MGAT5B: variants seen among roughly 807,000 people sequenced by gnomAD.
MGAT5B encodes the protein N-acetylglucosaminyl-transferase Vb.
A neutral mutation model predicts 95.1 loss-of-function variants in MGAT5B; 54 were observed. The ratio of observed to expected loss-of-function variants is 0.57; its 90% CI spans 0.46 to 0.71. The LOEUF is 0.71. Ranked by LOEUF, MGAT5B falls within the 30% of genes least tolerant of loss-of-function variation. The pLI is 0.00. For missense variants in MGAT5B, 935 were observed against 1,088.6 expected (o/e 0.86, Z 1.99); for synonymous variants, 464 against 451.0 (o/e 1.03, Z -0.36).
At position 76,912,458 on chromosome 17, in the gene MGAT5B, G is replaced by A. The variant is rs138069609; in HGVS notation, c.1025+6271G>A. ...CTGAGTGTCTCAGCTTGGTTTCTGC[G>A]ACAGAAATGTCTCCCTTGGCTGGCG... is the stretch of plus-strand genomic sequence containing the variant. On this transcript the variant is annotated intron_variant, in intron 8 of 17. Transcript: ENST00000569840. The surrounding 1 kb of genome is among the most constrained non-coding windows in gnomAD (Gnocchi z 5.0). Among the ~76,000 whole-genome samples the A allele has an allele frequency of 1.7e-3, 254 of 152,254 alleles. 1 individual carries two copies. Among genetic ancestry groups the A allele is most frequent in the African/African-American group, 5.9e-3 (246 of 41,550 alleles).
Position 76,938,140 on chromosome 17 carries a change from C to G in MGAT5B, c.1581C>G (p.Ala527=). Residue 527 remains alanine (A), a synonymous_variant, in exon 13 of 18, where the codon GCC becomes GCG. Transcript: ENST00000569840. This position sits in a 1 kb window ranked among gnomAD's most constrained non-coding sequence, Gnocchi z 4.3. ...QPEFQQLLRK[A]KLFIGFGFPY... ...AGTTTCAGCAGCTGCTGCGCAAGGC[C>G]AAAGTGAGCTCCCATCCCCCGCACC... The G allele has an allele frequency of 6.2e-7, 1 of 1,613,920 alleles. No individual in the cohort carries two copies. The highest frequency in any genetic ancestry group is 8.5e-7 in the Non-Finnish European group (1 of 1,179,924).
At chr17:76,895,058 C>T (rs4789371) in intron 3 of MGAT5B, among the ~76,000 whole-genome samples, 11,519 of 152,070 alleles carry the variant, frequency 0.076, 687 homozygotes, top group Admixed American at 0.18. Flanking sequence ...AGGCTTCGTC[C>T]GTATTTACGG....
rs767205958 is a variant in MGAT5B at position 76,880,407 on chromosome 17, G to T, written c.182-1744G>T. ...CAGGGGGTGACTTATATCAGGGTGG[G>T]AACGTGGCAGCAGTGGCTGGGCCAG... On this transcript the variant is annotated intron_variant, in intron 2 of 17. Coordinates refer to ENST00000569840, the MANE Select transcript of MGAT5B (RefSeq NM_001199172.2). 2.0e-5 allele frequency among the ~76,000 whole-genome samples: 3 copies of T among 152,188 alleles called. No homozygotes were observed. The South Asian group carries it at 6.2e-4, about 31-fold the overall frequency.
chr17:76,925,659 C>T (rs947828844), intron 9 of MGAT5B, among the ~76,000 whole-genome samples: 1 of 152,164 alleles, frequency 6.6e-6, no homozygotes, highest in Admixed American at 6.5e-5. Context: ...AAAAAAGTGA[C>T]AGGCAGTGTT....
intron 12 of MGAT5B, among the ~76,000 whole-genome samples, chr17:76,936,765 A>G (rs752773472): frequency 6.6e-5 from 10 of 152,190 alleles, no homozygotes; most frequent in Admixed American, 2.0e-4. Flanking sequence ...GTGTGGGTCT[A>G]TTTCTGGAGT....
rs1211426237 is a variant in MGAT5B, at chr17:76,948,631, C to T, written c.2181-9C>T. The T allele has an allele frequency of 1.2e-6, 2 of 1,608,162 alleles. No homozygotes were observed. The highest frequency in any genetic ancestry group is 8.5e-7 in the Non-Finnish European group (1 of 1,177,948). On this transcript the variant is annotated splice_polypyrimidine_tract_variant and intron_variant, in intron 17 of 17. Transcript: ENST00000569840. ...ACGCTGAGTGACGGTGCTGTGTGGT[C>T]CCTGCCAGGCTGCAGGTGCCCTGTG... is the stretch of plus-strand genomic sequence containing the variant.
chr17:76,925,121 G>A (rs748085646), intron 9 of MGAT5B, 24 bp downstream of exon 9: 6 of 1,609,576 alleles, frequency 3.7e-6, no homozygotes, highest in Admixed American at 1.7e-5. Flanking sequence ...CAGAGGGTGG[G>A]CACGTGGCCC....
At chr17:76,923,021 C>T (rs895996448) in intron 8 of MGAT5B, among the ~76,000 whole-genome samples, 10 of 152,156 alleles carry the variant, frequency 6.6e-5, no homozygotes, top group African/African-American at 2.4e-4. Flanking sequence ...TGGCTTAGTC[C>T]CTGTGCTGGC....
intron 12 of MGAT5B, among the ~76,000 whole-genome samples, chr17:76,933,997 G>C (rs1289192807): frequency 6.6e-6 from 1 of 152,104 alleles, no homozygotes; most frequent in African/African-American, 2.4e-5. Flanking sequence ...CTGCTCATCA[G>C]CTCCATCTTG....
intron 8 of MGAT5B, among the ~76,000 whole-genome samples, chr17:76,908,275 C>CTTTTT (rs5822149): frequency 9.7e-6 from 1 of 103,072 alleles, no homozygotes; most frequent in Non-Finnish European, 1.9e-5. Context: ...TTTCTTTCTT[C>CTTTTT]TTTTTTTTTT....
rs369377431 is a variant in MGAT5B, at chr17:76,878,415, G to T, written c.182-3736G>T. Among the ~76,000 whole-genome samples the T allele has an allele frequency of 3.3e-5, 5 of 152,282 alleles. No homozygotes were observed. The South Asian group carries it at 8.3e-4, about 25-fold the overall frequency. Reference sequence around the variant, plus strand: ...AACTACAGAAGGGGCATCTGGTTCCGCAGGCATGGTCATCGTGAAACCCAG... The same window carrying T: ...AACTACAGAAGGGGCATCTGGTTCCTCAGGCATGGTCATCGTGAAACCCAG... On this transcript the variant is annotated intron_variant, in intron 2 of 17. Coordinates refer to ENST00000569840, the MANE Select transcript of MGAT5B (RefSeq NM_001199172.2).
chr17:76,947,786 C>T, intron 16 of MGAT5B, 44 bp from the exon 17 acceptor site: 2 of 1,504,946 alleles, frequency 1.3e-6, no homozygotes, highest in Non-Finnish European at 1.8e-6. Context: ...CCAGGCACAC[C>T]TGGGTCGCAC....
intron 12 of MGAT5B, among the ~76,000 whole-genome samples, chr17:76,934,914 G>A (rs976086796): frequency 2.0e-5 from 3 of 152,122 alleles, no homozygotes; most frequent in East Asian, 1.9e-4. Flanking sequence ...TCAGGTGGCC[G>A]AGAAGCAGAG....
intron 2 of MGAT5B, among the ~76,000 whole-genome samples, chr17:76,874,230 C>T (rs968941503): frequency 6.6e-6 from 1 of 152,090 alleles, no homozygotes; most frequent in Non-Finnish European, 1.5e-5. Flanking sequence ...CGAGGCTGTG[C>T]AAAGATAAAG....
Position 76,905,100 on chromosome 17 carries a change from C to T in MGAT5B, c.691-69C>T, listed in dbSNP as rs1289307158. On this transcript the variant is annotated intron_variant, in intron 6 of 17. Coordinates refer to ENST00000569840, the MANE Select transcript of MGAT5B (RefSeq NM_001199172.2). This position sits in a 1 kb window ranked among gnomAD's most constrained non-coding sequence, Gnocchi z 4.2. ...TCATGGGAGGGTGCCAGCCCCTGTC[C>T]CCAGGCCAGCGGGGAATGATGGTGG... The T allele has an allele frequency of 1.2e-5, 18 of 1,513,380 alleles. No homozygotes were observed. The highest frequency in any genetic ancestry group is 1.6e-5 in the Non-Finnish European group (18 of 1,120,166). The allele number at this position is 1,513,380 out of a possible 1,614,324, so 93.7% of individuals were successfully genotyped here.
chr17:76,923,095 G>A (rs145939661), intron 8 of MGAT5B, among the ~76,000 whole-genome samples: 2,366 of 152,282 alleles, frequency 0.016, 49 homozygotes, highest in African/African-American at 0.053. Flanking sequence ...TCATCGACAC[G>A]GCACCACTTT....
rs1966985693 is a variant in MGAT5B, at chr17:76,870,843, G to T, written c.68+1746G>T. On this transcript the variant is annotated intron_variant, in intron 1 of 17. Coordinates refer to ENST00000569840, the MANE Select transcript of MGAT5B (RefSeq NM_001199172.2). This position sits in a 1 kb window ranked among gnomAD's most constrained non-coding sequence, Gnocchi z 5.0. ...TGGTTTTCCCAGGGCTGCTGGCAGG[G>T]TCTTTATTCCATAGGTGCCCCTGGA... Among the ~76,000 whole-genome samples the T allele has an allele frequency of 6.6e-6, 1 of 152,158 alleles. No homozygotes were observed. The highest frequency in any genetic ancestry group is 2.4e-5 in the African/African-American group (1 of 41,428).
Position 76,940,337 on chromosome 17 carries a change from T to C in MGAT5B, c.1585-65T>C. The C allele has an allele frequency of 6.7e-7, 1 of 1,495,914 alleles. No homozygotes were observed. The highest frequency in any genetic ancestry group is 2.3e-5 in the Admixed American group (1 of 43,758). The allele number at this position is 1,495,914 out of a possible 1,614,324, so 92.7% of individuals were successfully genotyped here. ...CCGAAGCCTCACCTTGTCCCCGGCA[T>C]CCTGGTGCTTACTGGGCTGTGGCGG... On this transcript the variant is annotated intron_variant, in intron 13 of 17. Transcript: ENST00000569840. The surrounding 1 kb of genome is among the most constrained non-coding windows in gnomAD (Gnocchi z 4.3).
At position 76,940,789 on chromosome 17, in the gene MGAT5B, G is replaced by A. The variant is rs999052170; in HGVS notation, c.1789G>A (p.Val597Ile). The A allele has an allele frequency of 3.7e-6, 6 of 1,614,068 alleles. No individual in the cohort carries two copies. The African/African-American group carries it at 8.0e-5, about 22-fold the overall frequency. The stretch of plus-strand genomic sequence containing the variant: ...CATCGGCAAGCCCCACGTGTGGACA[G>A]TCGACTACAACAACTCAGAGGAGTT... ...NFIGKPHVWTVDYNNSEEFEA... is the reference protein window; with the variant it reads ...NFIGKPHVWTIDYNNSEEFEA... The change falls in exon 15 of 18, where the codon GTC (valine) becomes ATC (isoleucine). Residue 597 changes from valine (V) to isoleucine (I), a missense_variant. Val to Ile is a conservative substitution (Grantham distance 29). Around this residue, in one of 4 missense-constraint regions of MGAT5B, gnomAD observed 440 missense variants for 523.6 expected, o/e 0.84. Transcript: ENST00000569840. This position sits in a 1 kb window ranked among gnomAD's most constrained non-coding sequence, Gnocchi z 4.3.
Sources: gnomAD v4.1 joint callset for allele counts (sites outside exome capture counted in the v4.1 genomes callset) on GRCh38, gnomAD v4.1.1 for gene constraint, gnomAD v4.1.1 regional missense constraint, Gnocchi (gnomAD v3.1) non-coding constraint, MANE v1.5 for transcripts, NCBI Gene and HGNC (gene_info 2026-07-23, HGNC 2026-07-21) for gene names.